The following RAG1 variants were observed in gnomAD, a reference collection of about 807,000 sequenced individuals.
RAG1 encodes recombination activating 1.
RAG1 carries 35 observed loss-of-function variants against 62.7 expected under a neutral mutation model. That is an observed-to-expected ratio of 0.56 (90% CI 0.43 to 0.74). The LOEUF (loss-of-function observed/expected upper bound fraction) is 0.74. RAG1 is among the 30% of genes least tolerant of loss of function. The pLI is 0.00. For missense variants in RAG1, 1,169 were observed against 1,278.6 expected, an observed-to-expected ratio of 0.91 and a Z score of 1.31; for synonymous variants, 461 against 470.3, an observed-to-expected ratio of 0.98 and a Z score of 0.26.
rs551702686 is a variant in RAG1 at position 36,542,123 on chromosome 11, C to T, written c.-412+6089C>T. Among the ~76,000 whole-genome samples, 11 of 152,238 alleles carry T rather than the reference C, an allele frequency of 7.2e-5. No homozygotes were observed. In the South Asian group the frequency reaches 1.2e-3, roughly 17 times the overall value. On this transcript the variant is annotated intron_variant and NMD_transcript_variant, in intron 3 of 9. Transcript: ENST00000534663. ...TCTGAGTTCATTGTTAGGGTTTGGACGGATGAGTTTGTTTCTCACATTCAC... is the reference window on the plus strand; with the variant it reads ...TCTGAGTTCATTGTTAGGGTTTGGATGGATGAGTTTGTTTCTCACATTCAC...
chr11:36,518,128 T>C (rs993373132), intron 1 of RAG1, among the ~76,000 whole-genome samples: 4 of 151,994 alleles, frequency 2.6e-5, no homozygotes, highest in African/African-American at 9.7e-5. Flanking sequence ...CTGAGAATGA[T>C]GGTTTCCAGT....
chr11:36,565,228 C>T (rs1372977990), upstream of RAG1, among the ~76,000 whole-genome samples: 1 of 152,206 alleles, frequency 6.6e-6, no homozygotes, highest in Non-Finnish European at 1.5e-5. Flanking sequence ...CGTTCACACA[C>T]TCAGACCATG....
upstream of RAG1, chr11:36,566,435 C>G (rs990052428): frequency 1.3e-5 from 2 of 152,172 alleles, no homozygotes; most frequent in Admixed American, 6.5e-5. Flanking sequence ...TTATTTTGCT[C>G]TTTCCTTCAA....
At chr11:36,548,934 C>A (rs1179517479) in intron 3 of RAG1, among the ~76,000 whole-genome samples, 3 of 151,914 alleles carry the variant, frequency 2.0e-5, no homozygotes, top group Non-Finnish European at 4.4e-5. Flanking sequence ...TATATAGACC[C>A]ATGGAACCAA....
At chr11:36,547,890 A>G (rs147406403) in intron 3 of RAG1, among the ~76,000 whole-genome samples, 2,843 of 152,336 alleles carry the variant, frequency 0.019, 93 homozygotes, top group African/African-American at 0.064. Flanking sequence ...AATACTGGCA[A>G]ACCTAATACA....
chr11:36,540,550 G>A (rs1349020018), downstream of RAG1, among the ~76,000 whole-genome samples: 3 of 152,000 alleles, frequency 2.0e-5, no homozygotes, highest in Non-Finnish European at 4.4e-5. Flanking sequence ...GACTACAGGC[G>A]CCCGCCACCA....
chr11:36,544,323 G>A (rs1590680531), intron 3 of RAG1, among the ~76,000 whole-genome samples: 2 of 152,312 alleles, frequency 1.3e-5, no homozygotes, highest in African/African-American at 4.8e-5. Flanking sequence ...AGACTACTGA[G>A]GCAGAGATTG....
chr11:36,567,401 CA>C, upstream of RAG1: 1 of 152,226 alleles, frequency 6.6e-6, no homozygotes, highest in African/African-American at 2.4e-5. Flanking sequence ...AGTAATGAAT[CA>C]AAGGCCTGAG....
intron 1 of RAG1, among the ~76,000 whole-genome samples, chr11:36,514,197 C>T (rs1047682508): frequency 1.3e-5 from 2 of 152,188 alleles, no homozygotes; most frequent in African/African-American, 4.8e-5. Flanking sequence ...GATCTTCCAG[C>T]CCCAGTCAAG....
chr11:36,522,749 A>C (rs955885664), intron 2 of RAG1, among the ~76,000 whole-genome samples: 4 of 152,232 alleles, frequency 2.6e-5, no homozygotes, highest in Non-Finnish European at 5.9e-5. Flanking sequence ...TACCCTGCAA[A>C]GCCACAGGGG....
At chr11:36,541,378 G>A (rs1860415193) in intron 3 of RAG1, among the ~76,000 whole-genome samples, 1 of 152,140 alleles carries the variant, frequency 6.6e-6, no homozygotes, top group South Asian at 2.1e-4. Flanking sequence ...GATTTCAGAT[G>A]GTGCACAAGA....
chr11:36,571,762 C>A (rs1342872435), intron 1 of RAG1, among the ~76,000 whole-genome samples: 3 of 152,032 alleles, frequency 2.0e-5, no homozygotes, highest in African/African-American at 7.2e-5. Flanking sequence ...TTTCAAGTGC[C>A]TGCCACCATG....
chr11:36,510,977 T>G (rs973272861), exon 1 of RAG1: 2 of 152,190 alleles, frequency 1.3e-5, no homozygotes, highest in African/African-American at 4.8e-5. Context: ...CATGCGTATG[T>G]ATCCTGAAGC....
upstream of RAG1, chr11:36,563,622 G>C (rs377575791): frequency 1.1e-3 from 169 of 152,160 alleles, no homozygotes; most frequent in Middle Eastern, 0.01. Context: ...AGTTGAAAGT[G>C]AATATAGTTT....
chr11:36,526,595 C>A (rs767571011), intron 2 of RAG1, among the ~76,000 whole-genome samples: 17 of 152,090 alleles, frequency 1.1e-4, no homozygotes, highest in Admixed American at 5.9e-4. Flanking sequence ...GGGTATATAT[C>A]CAGTAATGGG....
chr11:36,536,054 G>A (rs1016700402), downstream of RAG1: 2 of 151,922 alleles, frequency 1.3e-5, no homozygotes, highest in African/African-American at 4.8e-5. Flanking sequence ...TCACTTCTTA[G>A]GGAAGCTAAA....
chr11:36,551,777 T>C (rs1850490055), intron 3 of RAG1, among the ~76,000 whole-genome samples: 3 of 133,770 alleles, frequency 2.2e-5, no homozygotes, highest in African/African-American at 8.3e-5. Flanking sequence ...CCCACCACAG[T>C]CCCCAGAGTG....
intron 3 of RAG1, among the ~76,000 whole-genome samples, chr11:36,548,609 A>G (rs1850434241): frequency 6.6e-6 from 1 of 152,244 alleles, no homozygotes; most frequent in South Asian, 2.1e-4. Context: ...ACCACTGCTC[A>G]AGGAAATAAA....
chr11:36,531,974 A>C (rs976081900), intron 2 of RAG1, among the ~76,000 whole-genome samples: 1 of 152,044 alleles, frequency 6.6e-6, no homozygotes, highest in Non-Finnish European at 1.5e-5. Context: ...TTTTATCCAC[A>C]AAATACCTTT....
Sources: allele counts gnomAD v4.1 joint callset (sites outside exome capture counted in the v4.1 genomes callset), GRCh38; gene constraint gnomAD v4.1.1; transcripts MANE v1.5; gene names NCBI Gene and HGNC (gene_info 2026-07-23, HGNC 2026-07-21).